SYNJ2: variants seen among roughly 807,000 people sequenced by gnomAD.
SYNJ2 encodes polyphosphatidylinositol phosphatase SYNJ2.
In SYNJ2, 116 loss-of-function variants were observed where a neutral mutation model predicts 141.3. The observed-to-expected ratio is 0.82, with a 90% CI of 0.71 to 0.96. The LOEUF is 0.96. Ranked by LOEUF, SYNJ2 falls within the 40% of genes least tolerant of loss-of-function variation. The pLI is 0.00. For missense variants in SYNJ2, 1,873 were observed against 1,934.8 expected, an observed-to-expected ratio of 0.97 and a Z score of 0.60; for synonymous variants, 745 against 777.7, an observed-to-expected ratio of 0.96 and a Z score of 0.70.
chr6:158,042,563 C>A (rs1229846193), intron 4 of SYNJ2, among the ~76,000 whole-genome samples: 2 of 152,248 alleles, frequency 1.3e-5, no homozygotes, highest in Non-Finnish European at 2.9e-5. Flanking sequence ...CGCTCAGGAT[C>A]GTACTTCTTG....
chr6:158,027,313 A>C lies in SYNJ2; in HGVS notation c.215-1443A>C. 2 of 649,988 alleles carry C rather than the reference A, an allele frequency of 3.1e-6. No individual in the cohort carries two copies. Among genetic ancestry groups the C allele is most frequent in the South Asian group, 6.8e-5 (1 of 14,680 alleles). 40.3% of individuals were successfully genotyped at this position (649,988 alleles called of 1,614,324 possible). On this transcript the variant is annotated intron_variant, in intron 2 of 26. Coordinates refer to ENST00000355585, the MANE Select transcript of SYNJ2 (RefSeq NM_003898.4). The surrounding 1 kb of genome is among the most constrained non-coding windows in gnomAD (Gnocchi z 4.6). ...GAAGATCTCGCTGGGCGGATCCTTC[A>C]GACCTCAGCGGGGTGGGAAGAGTGT...
chr6:157,986,924 C>CT lies in SYNJ2; in HGVS notation c.127+4848dup, dbSNP rs572799409. The stretch of plus-strand genomic sequence containing the variant: ...GCAAGATTCTAATTTGTTGGGTTGG[C>CT]TTTTTTTTTTTTCTTGCATTTAGAT... On this transcript the variant is annotated intron_variant, in intron 1 of 26. Coordinates refer to ENST00000355585, the MANE Select transcript of SYNJ2 (RefSeq NM_003898.4). Among the ~76,000 whole-genome samples, 1,375 of 141,960 alleles carry CT rather than the reference C, an allele frequency of 9.7e-3. 21 individuals carry two copies. Among genetic ancestry groups the CT allele is most frequent in the African/African-American group, 0.028 (1,108 of 39,078 alleles). The allele number at this position is 141,960 out of a possible 152,430, so 93.1% of individuals were successfully genotyped here.
At chr6:158,026,874 C>G (rs763931409) in intron 2 of SYNJ2, 24 of 985,334 alleles carry the variant, frequency 2.4e-5, no homozygotes, top group Non-Finnish European at 2.8e-5. Context: ...AGGCTCTGAT[C>G]ACAAGCTGCC....
intron 6 of SYNJ2, among the ~76,000 whole-genome samples, chr6:158,056,751 T>C (rs897386229): frequency 6.6e-6 from 1 of 152,230 alleles, no homozygotes; most frequent in Non-Finnish European, 1.5e-5. Context: ...GGTTCTCTGA[T>C]GGATTTGGTT....
At chr6:158,012,651 C>T (rs1456180593) in intron 1 of SYNJ2, among the ~76,000 whole-genome samples, 1 of 152,204 alleles carries the variant, frequency 6.6e-6, no homozygotes, top group Non-Finnish European at 1.5e-5. Flanking sequence ...GTCTGTGCTG[C>T]TTAAGCCACT....
In SYNJ2 at chr6:158,096,458, C is replaced by T. The variant is rs1244835222; in HGVS notation, c.*94C>T. On this transcript the variant is annotated 3_prime_UTR_variant, in exon 27 of 27. Coordinates refer to ENST00000355585, the MANE Select transcript of SYNJ2 (RefSeq NM_003898.4). ...GAAGAGACATCTATTTAAAGGCACA[C>T]TGGCCAAAACGTTTGTGCATCTGTC... The T allele has an allele frequency of 2.1e-6, 3 of 1,405,220 alleles. No homozygotes were observed. Among genetic ancestry groups the T allele is most frequent in the African/African-American group, 1.4e-5 (1 of 69,862 alleles). 87.0% of individuals were successfully genotyped at this position (1,405,220 alleles called of 1,614,324 possible). A position where few individuals can be genotyped will look rare whatever the true frequency, so the allele number is the denominator to read the frequency against.
chr6:157,981,391 G>T (rs1349864257), upstream of SYNJ2, among the ~76,000 whole-genome samples: 1 of 152,230 alleles, frequency 6.6e-6, no homozygotes, highest in East Asian at 1.9e-4. The surrounding 1 kb of genome is among the most constrained non-coding windows in gnomAD (Gnocchi z 6.4). Context: ...CCTCCGCGCC[G>T]AAGTAGGCGC....
chr6:158,071,239 A>C lies in SYNJ2; in HGVS notation c.1941-363A>C, dbSNP rs888866381. Among the ~76,000 whole-genome samples the C allele has an allele frequency of 6.6e-6, 1 of 152,182 alleles. No homozygotes were observed. Among genetic ancestry groups the C allele is most frequent in the Non-Finnish European group, 1.5e-5 (1 of 68,034 alleles). ...ATTGCCCAGATGACACCTCCCATGC[A>C]TGGCGTGATGGCTGCACAGGAGTGG... On this transcript the variant is annotated intron_variant, in intron 14 of 26. Coordinates refer to ENST00000355585, the MANE Select transcript of SYNJ2 (RefSeq NM_003898.4). The surrounding 1 kb of genome is among the most constrained non-coding windows in gnomAD (Gnocchi z 4.3).
chr6:158,041,282 C>G (rs1001900408), intron 4 of SYNJ2, among the ~76,000 whole-genome samples: 3 of 152,212 alleles, frequency 2.0e-5, no homozygotes, highest in African/African-American at 7.2e-5. Context: ...CACTCTCTGT[C>G]CTGCCTCCCC....
chr6:158,081,906 G>A (rs1411645746), intron 20 of SYNJ2, among the ~76,000 whole-genome samples: 2 of 151,882 alleles, frequency 1.3e-5, no homozygotes, highest in African/African-American at 2.4e-5. Context: ...CTCCCGCCTC[G>A]ATCTCCCAAT....
intron 2 of SYNJ2, among the ~76,000 whole-genome samples, chr6:158,021,913 G>A (rs1778794615): frequency 6.6e-6 from 1 of 152,220 alleles, no homozygotes; most frequent in African/African-American, 2.4e-5. Flanking sequence ...AGTTTCCAAG[G>A]TGTAAATTCA....
rs1448280502 is a variant in SYNJ2 at position 158,059,278 on chromosome 6, G to A, written c.879G>A (p.Glu293=). The change falls in exon 7 of 27, where the codon GAG becomes GAA. Residue 293 remains glutamate (E), a synonymous_variant. Transcript: ENST00000355585. Reference sequence around the variant, plus strand: ...GCAGGCACATGGTGCTTCTGAAGGAGCAGTACGGGCAGCAGGTGGTCGTGA... The same window carrying A: ...GCAGGCACATGGTGCTTCTGAAGGAACAGTACGGGCAGCAGGTGGTCGTGA... ...AFDRHMVLLK[E]QYGQQVVVNL... 3 of 1,550,116 alleles carry A rather than the reference G, an allele frequency of 1.9e-6. No individual in the cohort carries two copies. The highest frequency in any genetic ancestry group is 2.6e-6 in the Non-Finnish European group (3 of 1,146,746).
chr6:157,994,169 TGCATGAACCCC>T (rs1458572153), intron 1 of SYNJ2, among the ~76,000 whole-genome samples: 2 of 152,202 alleles, frequency 1.3e-5, no homozygotes, highest in East Asian at 3.9e-4. Flanking sequence ...TTTTATATGT[TGCATGAACCCC>T]GCTTTACCAT....
intron 1 of SYNJ2, among the ~76,000 whole-genome samples, chr6:157,993,796 G>T (rs1461478443): frequency 1.2e-4 from 11 of 92,244 alleles, no homozygotes; most frequent in Non-Finnish European, 1.7e-4. Context: ...GAAATGTGTG[G>T]GTTTTTTTTT....
At position 158,071,504 on chromosome 6, in the gene SYNJ2, AG is replaced by A. The variant is rs1242417434; in HGVS notation, c.1941-97del. ...CTGATGATTTTGGAGCACTCAGAGC[AG>A]CAGGTCCCGAGCTGCTGCTGGGCCC... On this transcript the variant is annotated intron_variant, in intron 14 of 26. Coordinates refer to ENST00000355585, the MANE Select transcript of SYNJ2 (RefSeq NM_003898.4). This position sits in a 1 kb window ranked among gnomAD's most constrained non-coding sequence, Gnocchi z 4.3. 1 of 1,391,528 alleles carries A rather than the reference AG, an allele frequency of 7.2e-7. No individual in the cohort carries two copies. The highest frequency in any genetic ancestry group is 1.4e-5 in the African/African-American group (1 of 69,642). 86.2% of individuals were successfully genotyped at this position (1,391,528 alleles called of 1,614,324 possible). A position where few individuals can be genotyped will look rare whatever the true frequency, so the allele number is the denominator to read the frequency against.
intron 1 of SYNJ2, among the ~76,000 whole-genome samples, chr6:158,009,276 G>A (rs1002419106): frequency 2.6e-5 from 4 of 152,332 alleles, no homozygotes; most frequent in Admixed American, 1.3e-4. Context: ...CTTGAGCAGC[G>A]CCCGCCTCTT....
chr6:157,986,278 G>A (rs934855464), intron 1 of SYNJ2, among the ~76,000 whole-genome samples: 5 of 152,224 alleles, frequency 3.3e-5, no homozygotes, highest in South Asian at 2.1e-4. Flanking sequence ...TCTCCTAGCC[G>A]GAGGCTGTCT....
chr6:158,029,138 G>A (rs1779224774), intron 3 of SYNJ2, 112 bp downstream of exon 3: 1 of 1,424,890 alleles, frequency 7.0e-7, no homozygotes, highest in African/African-American at 1.5e-5. Context: ...GGGTTATGGG[G>A]CACCTCTGGA....
intron 15 of SYNJ2, among the ~76,000 whole-genome samples, chr6:158,073,870 C>G (rs1051398333): frequency 6.6e-6 from 1 of 150,910 alleles, no homozygotes; most frequent in African/African-American, 2.4e-5. Flanking sequence ...AGCTGTGTAA[C>G]CTTCAGCAAG....
Sources: gnomAD v4.1 joint callset for allele counts (sites outside exome capture counted in the v4.1 genomes callset) on GRCh38, gnomAD v4.1.1 for gene constraint, Gnocchi (gnomAD v3.1) non-coding constraint, MANE v1.5 for transcripts, NCBI Gene and HGNC (gene_info 2026-07-23, HGNC 2026-07-21) for gene names.